NLRP1: variants seen among roughly 807,000 people sequenced by gnomAD.
NLRP1 encodes NACHT, LRR and PYD domains-containing protein 1.
In NLRP1, 94 loss-of-function variants were observed where a neutral mutation model predicts 136.7. That is an observed-to-expected ratio of 0.69 (90% CI 0.58 to 0.82). The LOEUF is 0.82. Ranked by LOEUF, NLRP1 falls within the 40% of genes least tolerant of loss-of-function variation. The pLI is 0.00. For missense variants in NLRP1, 1,575 were observed against 1,802.7 expected, an observed-to-expected ratio of 0.87 and a Z score of 2.29; for synonymous variants, 690 against 725.1, an observed-to-expected ratio of 0.95 and a Z score of 0.78.
Position 5,520,925 on chromosome 17 carries a change from T to A in NLRP1, c.3871A>T (p.Thr1291Ser), listed in dbSNP as rs760248054. 1 of 1,611,676 alleles carries A rather than the reference T, an allele frequency of 6.2e-7. No homozygotes were observed. The highest frequency in any genetic ancestry group is 8.5e-7 in the Non-Finnish European group (1 of 1,178,818). ...LTPLYMGCRY[T>S]VSGSGSGMLE... ...ATCCCTGAACCAGACCCAGACACAG[T>A]GTAACGACAGCCCATATAAAGTGGG... The change falls in exon 14 of 17, where the codon ACT (threonine) becomes TCT (serine). Residue 1291 changes from threonine to serine, a missense_variant. Coordinates refer to ENST00000572272, the MANE Select transcript of NLRP1 (RefSeq NM_033004.4).
intron 5 of NLRP1, among the ~76,000 whole-genome samples, chr17:5,544,186 G>GCC (rs1475086473): frequency 2.6e-5 from 4 of 152,158 alleles, no homozygotes; most frequent in Non-Finnish European, 4.4e-5. Context: ...CTCAACCTCA[G>GCC]CCCAGTGATT....
At chr17:5,544,983 G>T (rs1215858623) in intron 5 of NLRP1, among the ~76,000 whole-genome samples, 2 of 152,088 alleles carry the variant, frequency 1.3e-5, no homozygotes, top group Non-Finnish European at 2.9e-5. Flanking sequence ...GGAGGCTGAA[G>T]GTGGGGCCTG....
At chr17:5,530,958 C>T (rs933686599) in intron 11 of NLRP1, among the ~76,000 whole-genome samples, 24 of 152,116 alleles carry the variant, frequency 1.6e-4, no homozygotes, top group Non-Finnish European at 3.1e-4. Flanking sequence ...CTCCTAGTTA[C>T]GAGAATAAGT....
intron 12 of NLRP1, among the ~76,000 whole-genome samples, chr17:5,523,622 G>C (rs970972880): frequency 6.6e-6 from 1 of 152,206 alleles, no homozygotes; most frequent in African/African-American, 2.4e-5. Context: ...AGTTACAAGA[G>C]AGCTTGAGGG....
intron 12 of NLRP1, among the ~76,000 whole-genome samples, chr17:5,527,526 A>T (rs1459502079): frequency 2.6e-5 from 4 of 152,182 alleles, no homozygotes; most frequent in African/African-American, 9.7e-5. Context: ...TTGGGATAGA[A>T]TCCCAACTCT....
intron 4 of NLRP1, among the ~76,000 whole-genome samples, chr17:5,554,377 A>G (rs2151796188): frequency 6.6e-6 from 1 of 152,312 alleles, no homozygotes; most frequent in African/African-American, 2.4e-5. Context: ...AACTACTCAA[A>G]TCTCTATTCC....
rs537571976 is a variant in NLRP1, at chr17:5,556,519, A to G, written c.2357+1820T>C. Among the ~76,000 whole-genome samples the G allele has an allele frequency of 2.6e-5, 4 of 152,070 alleles. No individual in the cohort carries two copies. The South Asian group carries it at 8.3e-4, about 32-fold the overall frequency. On this transcript the variant is annotated intron_variant, in intron 4 of 16. Coordinates refer to ENST00000572272, the MANE Select transcript of NLRP1 (RefSeq NM_033004.4). ...CCACTCACAAGAAGATAGCCTTGATATATAAAGAAAATAAAACTGACTATA... is the reference window on the plus strand; with the variant it reads ...CCACTCACAAGAAGATAGCCTTGATGTATAAAGAAAATAAAACTGACTATA...
chr17:5,538,743 A>G (rs949399515), intron 7 of NLRP1, among the ~76,000 whole-genome samples: 1 of 152,332 alleles, frequency 6.6e-6, no homozygotes, highest in African/African-American at 2.4e-5. Flanking sequence ...ATGAATGAGT[A>G]AATGAATGAA....
At chr17:5,523,117 G>A (rs781728793) in intron 12 of NLRP1, among the ~76,000 whole-genome samples, 5 of 152,062 alleles carry the variant, frequency 3.3e-5, no homozygotes, top group Non-Finnish European at 5.9e-5. Flanking sequence ...GGCAGTAGCA[G>A]TTGGGTGAAG....
At position 5,530,741 on chromosome 17, in the gene NLRP1, G is replaced by A. The variant is rs371191787; in HGVS notation, c.3297-37C>T. On this transcript the variant is annotated intron_variant, in intron 11 of 16. Coordinates refer to ENST00000572272, the MANE Select transcript of NLRP1 (RefSeq NM_033004.4). Reference sequence around the variant, plus strand: ...AGGGAGAGGCAGACACTTACTGCACGAACTCACTGAGCACCTGCTGGATGC... The same window carrying A: ...AGGGAGAGGCAGACACTTACTGCACAAACTCACTGAGCACCTGCTGGATGC... The A allele has an allele frequency of 2.7e-5, 42 of 1,529,354 alleles. 1 individual carries two copies. Among genetic ancestry groups the A allele is most frequent in the Non-Finnish European group, 3.1e-5 (34 of 1,107,376 alleles). 94.7% of individuals were successfully genotyped at this position (1,529,354 alleles called of 1,614,324 possible).
chr17:5,547,825 C>T (rs1485026210), intron 5 of NLRP1, among the ~76,000 whole-genome samples: 1 of 152,214 alleles, frequency 6.6e-6, no homozygotes, highest in Admixed American at 6.5e-5. Flanking sequence ...TGCTCAACTT[C>T]TCCCACTGTA....
At chr17:5,582,422 T>C (rs1352446411) in intron 2 of NLRP1, among the ~76,000 whole-genome samples, 1 of 152,104 alleles carries the variant, frequency 6.6e-6, no homozygotes, top group East Asian at 1.9e-4. Flanking sequence ...TGGGGAAGAC[T>C]CATTGCCTGA....
intron 12 of NLRP1, among the ~76,000 whole-genome samples, chr17:5,529,470 C>T (rs934317948): frequency 3.3e-5 from 5 of 151,802 alleles, no homozygotes; most frequent in African/African-American, 4.8e-5. Flanking sequence ...TGGGTTCACG[C>T]CATTCTCCTG....
At chr17:5,568,973 CACCT>C (rs944205359) in intron 3 of NLRP1, among the ~76,000 whole-genome samples, 1 of 149,804 alleles carries the variant, frequency 6.7e-6, no homozygotes, top group African/African-American at 2.5e-5. Context: ...CCCCCGTGGC[CACCT>C]ACCACTATGA....
chr17:5,541,344 C>T lies in NLRP1; in HGVS notation c.2699+513G>A, dbSNP rs1726951199. On this transcript the variant is annotated intron_variant, in intron 6 of 16. Transcript: ENST00000572272. This position sits in a 1 kb window ranked among gnomAD's most constrained non-coding sequence, Gnocchi z 4.2. Reference sequence around the variant, plus strand: ...GACAGGCATGAGCCAGGGCGCCTCACTTGTTTCTACATGGTGGCGGGGGGG... The same window carrying T: ...GACAGGCATGAGCCAGGGCGCCTCATTTGTTTCTACATGGTGGCGGGGGGG... Among the ~76,000 whole-genome samples, 1 of 152,150 alleles carries T rather than the reference C, an allele frequency of 6.6e-6. No homozygotes were observed.
intron 7 of NLRP1, among the ~76,000 whole-genome samples, chr17:5,538,811 G>C (rs1911445750): frequency 6.6e-6 from 1 of 152,124 alleles, no homozygotes; most frequent in South Asian, 2.1e-4. Flanking sequence ...TGCAGCCTCA[G>C]TAATAGTTAT....
chr17:5,530,959 G>A (rs766326248), intron 11 of NLRP1, among the ~76,000 whole-genome samples: 3 of 152,148 alleles, frequency 2.0e-5, no homozygotes, highest in Non-Finnish European at 4.4e-5. Flanking sequence ...TCCTAGTTAC[G>A]AGAATAAGTG....
At chr17:5,581,770 G>C (rs1905673178) in intron 3 of NLRP1, 89 bp downstream of exon 3, 1 of 1,088,140 alleles carries the variant, frequency 9.2e-7, no homozygotes, top group African/African-American at 1.5e-5. Flanking sequence ...CCTCTGCTTA[G>C]CCTGCCAACC....
intron 8 of NLRP1, among the ~76,000 whole-genome samples, chr17:5,536,150 CT>C (rs753363124): frequency 8.0e-5 from 12 of 149,504 alleles, no homozygotes; most frequent in African/African-American, 2.0e-4. Context: ...TTTTCTTGTT[CT>C]TTTTTTTTTC....
Sources: allele counts gnomAD v4.1 joint callset (sites outside exome capture counted in the v4.1 genomes callset), GRCh38; gene constraint gnomAD v4.1.1; non-coding constraint Gnocchi (gnomAD v3.1); transcripts MANE v1.5; gene names NCBI Gene and HGNC (gene_info 2026-07-23, HGNC 2026-07-21).